The following HPCAL4 variants were observed in gnomAD, a reference collection of about 807,000 sequenced individuals.
HPCAL4 encodes the protein hippocalcin like 4.
Under a neutral mutation model 18.2 loss-of-function variants are expected in HPCAL4, and 16 were observed. The observed-to-expected ratio is 0.88, with a 90% CI of 0.59 to 1.33. HPCAL4 has a LOEUF of 1.33. HPCAL4 is among the 40% of genes most tolerant of loss of function. The probability of loss-of-function intolerance (pLI) is 0.00; values close to 1 mark genes in which losing one functional copy is unlikely to be tolerated. For missense variants in HPCAL4, 214 were observed against 256.6 expected (o/e 0.83, Z 1.14); for synonymous variants, 80 against 97.5 (o/e 0.82, Z 1.06).
At position 39,682,392 on chromosome 1, in the gene HPCAL4, G is replaced by A; in HGVS notation, c.*144C>T. On this transcript the variant is annotated 3_prime_UTR_variant, in exon 4 of 4. Transcript: ENST00000372844. Reference sequence around the variant, plus strand: ...TGGTCCCTCAAAGATCTTGATGGAGGGGAGGAAGGGCTTGGGCAGAGGACT... The same window carrying A: ...TGGTCCCTCAAAGATCTTGATGGAGAGGAGGAAGGGCTTGGGCAGAGGACT... 8 of 673,166 alleles carry A rather than the reference G, an allele frequency of 1.2e-5. No individual in the cohort carries two copies. Among genetic ancestry groups the A allele is most frequent in the Non-Finnish European group, 1.8e-5 (7 of 390,920 alleles). 41.7% of individuals were successfully genotyped at this position (673,166 alleles called of 1,614,324 possible).
chr1:39,687,813 G>A (rs1223169318), intron 1 of HPCAL4, among the ~76,000 whole-genome samples: 1 of 152,040 alleles, frequency 6.6e-6, no homozygotes, highest in Non-Finnish European at 1.5e-5. Flanking sequence ...TGAGGTGGGA[G>A]GATCACTTGA....
chr1:39,683,530 C>T (rs1431116639), intron 3 of HPCAL4, among the ~76,000 whole-genome samples: 2 of 152,258 alleles, frequency 1.3e-5, no homozygotes, highest in Admixed American at 6.5e-5. Context: ...GTATCTTCCT[C>T]ATAGCACCTA....
chr1:39,682,467 C>A lies in HPCAL4; in HGVS notation c.*69G>T. 4 of 1,514,920 alleles carry A rather than the reference C, an allele frequency of 2.6e-6. No individual in the cohort carries two copies. Among genetic ancestry groups the A allele is most frequent in the Non-Finnish European group, 3.6e-6 (4 of 1,096,446 alleles). 93.8% of individuals were successfully genotyped at this position (1,514,920 alleles called of 1,614,324 possible). On this transcript the variant is annotated 3_prime_UTR_variant, in exon 4 of 4. Coordinates refer to ENST00000372844, the MANE Select transcript of HPCAL4 (RefSeq NM_016257.4). ...AGTGTCCCTCCTCCTGGGAGGCCAG[C>A]CAGAGAGGTCATCAGGTTGGGAGGT...
Position 39,683,920 on chromosome 1 carries a change from C to A in HPCAL4, c.378+17G>T, listed in dbSNP as rs370491292. The A allele has an allele frequency of 1.9e-4, 298 of 1,608,366 alleles. No individual in the cohort carries two copies. The highest frequency in any genetic ancestry group is 1.0e-3 in the Middle Eastern group (6 of 5,920). On this transcript the variant is annotated intron_variant, in intron 3 of 3. Coordinates refer to ENST00000372844, the MANE Select transcript of HPCAL4 (RefSeq NM_016257.4). ...AGCGCTGGCCTCGGGAACAGCAGCG[C>A]CCGCGCGGCCCCGCACCTCGATGAT...
rs184269360 is a variant in HPCAL4, at chr1:39,686,676, G to A, written c.-8-2065C>T. On this transcript the variant is annotated intron_variant, in intron 1 of 3. Transcript: ENST00000372844. ...TATTCCCCAGTGGGAATGTGAGCCC[G>A]TAAGTGGGCTGTGCCAGGGGAAGTG... Among the ~76,000 whole-genome samples the A allele has an allele frequency of 2.1e-3, 314 of 152,348 alleles. 4 individuals are homozygous for A. The highest frequency in any genetic ancestry group is 3.8e-4 in the Non-Finnish European group (26 of 68,034).
chr1:39,684,696 G>T, intron 1 of HPCAL4, 85 bp from the exon 2 acceptor site: 1 of 1,285,002 alleles, frequency 7.8e-7, no homozygotes, highest in Non-Finnish European at 1.0e-6. Flanking sequence ...CCACACACAG[G>T]GCGGGGTTGC....
rs141591555 is a variant in HPCAL4 at position 39,680,820 on chromosome 1, G to C, written c.*1716C>G. On this transcript the variant is annotated 3_prime_UTR_variant, in exon 4 of 4. Transcript: ENST00000372844. ...GCTTGGGACCAAGCTCTATTGATCA[G>C]CATCCCCCAGAGTTTTCACCTGCAG... 3.6e-4 allele frequency: 55 copies of C among 152,634 alleles called. No individual in the cohort carries two copies. The highest frequency in any genetic ancestry group is 1.3e-3 in the African/African-American group (53 of 41,572). The allele number at this position is 152,634 out of a possible 1,614,324, so 9.5% of individuals were successfully genotyped here.
At position 39,679,096 on chromosome 1, in the gene HPCAL4, G is replaced by C. The variant is rs1570468712; in HGVS notation, c.*3440C>G. ...AAAGTCAGCTCAAAGCCTCACCCAG[G>C]GTGGATCTTCAGGAAATATTTGTTG... On this transcript the variant is annotated 3_prime_UTR_variant, in exon 4 of 4. Transcript: ENST00000372844. 2 of 152,098 alleles carry C rather than the reference G, an allele frequency of 1.3e-5. No homozygotes were observed. Among genetic ancestry groups the C allele is most frequent in the Non-Finnish European group, 2.9e-5 (2 of 68,032 alleles). The allele number at this position is 152,098 out of a possible 1,614,324, so 9.4% of individuals were successfully genotyped here.
intron 1 of HPCAL4, among the ~76,000 whole-genome samples, chr1:39,689,511 G>A (rs956713345): frequency 6.6e-6 from 1 of 152,222 alleles, no homozygotes. Context: ...GTTCACCCCA[G>A]GTCAACTATA....
chr1:39,689,716 G>A (rs1487594032), intron 1 of HPCAL4, among the ~76,000 whole-genome samples: 1 of 152,202 alleles, frequency 6.6e-6, no homozygotes, highest in Non-Finnish European at 1.5e-5. Context: ...AGGGCTAAGG[G>A]CTGTGGGCTT....
In HPCAL4 at chr1:39,680,720, TG is replaced by T. The variant is rs1356659807; in HGVS notation, c.*1815del. 1 of 152,164 alleles carries T rather than the reference TG, an allele frequency of 6.6e-6. No individual in the cohort carries two copies. Among genetic ancestry groups the T allele is most frequent in the Non-Finnish European group, 1.5e-5 (1 of 68,010 alleles). 9.4% of individuals were successfully genotyped at this position (152,164 alleles called of 1,614,324 possible). A position where few individuals can be genotyped will look rare whatever the true frequency, so the allele number is the denominator to read the frequency against. Reference sequence around the variant, plus strand: ...AGCAAAAGGATAGCAACCCAGTGGTTGCAAACCAGTGGTTGCTATCCCCAGC... The same window carrying T: ...AGCAAAAGGATAGCAACCCAGTGGTTCAAACCAGTGGTTGCTATCCCCAGC... On this transcript the variant is annotated 3_prime_UTR_variant, in exon 4 of 4. Transcript: ENST00000372844.
chr1:39,688,831 T>TCTCCTGGACTATAATCAGATTCAA (rs1646696685), intron 1 of HPCAL4, among the ~76,000 whole-genome samples: 1 of 152,238 alleles, frequency 6.6e-6, no homozygotes, highest in South Asian at 2.1e-4. Context: ...ATAATCAGTC[T>TCTCCTGGACTATAATCAGATTCAA]TCAGGGCCTG....
intron 3 of HPCAL4, 74 bp downstream of exon 3, chr1:39,683,863 G>T: frequency 7.3e-7 from 1 of 1,370,314 alleles, no homozygotes; most frequent in South Asian, 1.2e-5. Flanking sequence ...CGAAGCCCGA[G>T]AGCAGCGCGG....
intron 1 of HPCAL4, among the ~76,000 whole-genome samples, chr1:39,686,012 T>A (rs1440399644): frequency 6.7e-6 from 1 of 149,994 alleles, no homozygotes; most frequent in Non-Finnish European, 1.5e-5. Flanking sequence ...AAACCCCATC[T>A]CTACTAAAAA....
intron 1 of HPCAL4, among the ~76,000 whole-genome samples, chr1:39,689,379 T>G (rs1053356829): frequency 6.6e-6 from 1 of 152,132 alleles, no homozygotes; most frequent in African/African-American, 2.4e-5. Context: ...GTGGATTACG[T>G]AAGAGGAGCA....
At chr1:39,686,379 G>A (rs1465543580) in intron 1 of HPCAL4, among the ~76,000 whole-genome samples, 1 of 152,078 alleles carries the variant, frequency 6.6e-6, no homozygotes, top group East Asian at 1.9e-4. Context: ...TTTTTCCTTT[G>A]GCCACAGCAT....
In HPCAL4 at chr1:39,686,136, G is replaced by A. The variant is rs190413458; in HGVS notation, c.-8-1525C>T. Among the ~76,000 whole-genome samples, 101 of 148,104 alleles carry A rather than the reference G, an allele frequency of 6.8e-4. 1 individual carries two copies. Among genetic ancestry groups the A allele is most frequent in the South Asian group, 2.1e-4 (1 of 4,694 alleles). ...GCGGAGCTTGCGGTGAGCCGAGATC[G>A]CTCCACTGCACTCCAGCCTGGGCGA... is the stretch of plus-strand genomic sequence containing the variant. On this transcript the variant is annotated intron_variant, in intron 1 of 3. Transcript: ENST00000372844.
chr1:39,687,192 G>A (rs1237215263), intron 1 of HPCAL4, among the ~76,000 whole-genome samples: 2 of 152,220 alleles, frequency 1.3e-5, no homozygotes, highest in African/African-American at 2.4e-5. Context: ...GGAAAAGCCA[G>A]GGAGGGGGAG....
At chr1:39,687,046 C>T (rs1646681121) in intron 1 of HPCAL4, among the ~76,000 whole-genome samples, 1 of 152,234 alleles carries the variant, frequency 6.6e-6, no homozygotes, top group Non-Finnish European at 1.5e-5. Flanking sequence ...CTCCCCTTTG[C>T]TGGGCTGACC....
Sources: gnomAD v4.1 joint callset for allele counts (sites outside exome capture counted in the v4.1 genomes callset) on GRCh38, gnomAD v4.1.1 for gene constraint, MANE v1.5 for transcripts, NCBI Gene and HGNC (gene_info 2026-07-23, HGNC 2026-07-21) for gene names.